Variants in TRERF1 observed in about 807,000 individuals in gnomAD.
TRERF1 encodes the protein transcriptional regulating factor 1, also known as transcriptional-regulating factor 1.
In TRERF1, 27 loss-of-function variants were observed where a neutral mutation model predicts 122.9. That is an observed-to-expected ratio of 0.22 (90% CI 0.16 to 0.30). The LOEUF is 0.30. Ranked by LOEUF, TRERF1 falls within the 10% of genes least tolerant of loss-of-function variation. TRERF1 has a pLI of 1.00. For missense variants in TRERF1, 1,248 were observed against 1,560.3 expected, an observed-to-expected ratio of 0.80 and a Z score of 3.37; for synonymous variants, 636 against 641.7, an observed-to-expected ratio of 0.99 and a Z score of 0.13.
At chr6:42,423,895 T>C (rs1347751855) in intron 2 of TRERF1, among the ~76,000 whole-genome samples, 1 of 152,198 alleles carries the variant, frequency 6.6e-6, no homozygotes, top group African/African-American at 2.4e-5. Flanking sequence ...CCCCCCAACA[T>C]TTATGGCTTT....
At chr6:42,313,844 G>A (rs1040672156) in intron 3 of TRERF1, among the ~76,000 whole-genome samples, 7 of 152,170 alleles carry the variant, frequency 4.6e-5, no homozygotes, top group Non-Finnish European at 5.9e-5. Flanking sequence ...GGCTCCAAGC[G>A]GGGAGGTGCT....
intron 2 of TRERF1, among the ~76,000 whole-genome samples, chr6:42,365,032 G>A (rs1298969891): frequency 6.6e-6 from 1 of 152,188 alleles, no homozygotes; most frequent in African/African-American, 2.4e-5. Context: ...CAGGAGGGCA[G>A]GTGGGAACCT....
intron 2 of TRERF1, among the ~76,000 whole-genome samples, chr6:42,443,246 G>A (rs1786852487): frequency 6.6e-6 from 1 of 152,216 alleles, no homozygotes; most frequent in Non-Finnish European, 1.5e-5. Flanking sequence ...ATGAGTACAA[G>A]AGAGTTCATT....
chr6:42,440,864 C>T (rs1786386016), intron 2 of TRERF1, among the ~76,000 whole-genome samples: 1 of 151,992 alleles, frequency 6.6e-6, no homozygotes, highest in South Asian at 2.1e-4. Flanking sequence ...GGGATGGAGA[C>T]AATCCCCTGA....
intron 3 of TRERF1, among the ~76,000 whole-genome samples, chr6:42,322,524 G>A (rs1477210541): frequency 2.6e-5 from 4 of 152,224 alleles, no homozygotes; most frequent in South Asian, 2.1e-4. Flanking sequence ...AATTCGTGGG[G>A]TTGTATATTG....
intron 2 of TRERF1, among the ~76,000 whole-genome samples, chr6:42,430,763 G>A (rs1189831447): frequency 5.9e-5 from 9 of 152,148 alleles, no homozygotes; most frequent in Non-Finnish European, 1.0e-4. Context: ...CAGGCGTGGT[G>A]GTGCATGCCT....
At chr6:42,345,723 G>A (rs1273902906) in intron 3 of TRERF1, among the ~76,000 whole-genome samples, 2 of 152,228 alleles carry the variant, frequency 1.3e-5, no homozygotes, top group Non-Finnish European at 2.9e-5. Flanking sequence ...TCCCATGCCA[G>A]TATTAAACTG....
intron 10 of TRERF1, 79 bp downstream of exon 10, chr6:42,258,056 C>T (rs1367512580): frequency 2.4e-6 from 3 of 1,257,398 alleles, no homozygotes; most frequent in Admixed American, 2.0e-5. Context: ...TCAGTGTAAT[C>T]CTCTGACTAC....
At chr6:42,328,772 A>C (rs921391020) in intron 3 of TRERF1, among the ~76,000 whole-genome samples, 2 of 152,132 alleles carry the variant, frequency 1.3e-5, no homozygotes, top group African/African-American at 4.8e-5. Flanking sequence ...CACTGTTCAC[A>C]CATTTCTAAA....
chr6:42,243,308 C>G, exon 15 of TRERF1: 1 of 1,614,192 alleles, frequency 6.2e-7, no homozygotes, highest in East Asian at 2.2e-5. Flanking sequence ...GCCGCATGAT[C>G]TTTTTCCACG....
intron 2 of TRERF1, among the ~76,000 whole-genome samples, chr6:42,424,962 A>G (rs1783377707): frequency 6.6e-6 from 1 of 152,210 alleles, no homozygotes; most frequent in Non-Finnish European, 1.5e-5. Flanking sequence ...GAATTAATGA[A>G]TGCACGAGTA....
chr6:42,243,062 G>A (rs1774040141), intron 15 of TRERF1, among the ~76,000 whole-genome samples, 186 bp downstream of exon 15: 2 of 152,128 alleles, frequency 1.3e-5, no homozygotes, highest in Non-Finnish European at 2.9e-5. Context: ...CCAAACCTAT[G>A]GACTTCTTTC....
At chr6:42,339,054 C>T (rs891686121) in intron 3 of TRERF1, among the ~76,000 whole-genome samples, 13 of 152,084 alleles carry the variant, frequency 8.5e-5, no homozygotes, top group African/African-American at 2.7e-4. Context: ...CCAGGACTGA[C>T]GAAAGCAGCA....
chr6:42,289,499 T>C (rs1011391955), intron 4 of TRERF1, among the ~76,000 whole-genome samples: 4 of 152,194 alleles, frequency 2.6e-5, no homozygotes, highest in South Asian at 4.1e-4. Context: ...CAGGCTATTA[T>C]GTAGGACTTA....
chr6:42,371,564 C>T (rs1217476528), intron 2 of TRERF1, among the ~76,000 whole-genome samples: 1 of 152,170 alleles, frequency 6.6e-6, no homozygotes, highest in Non-Finnish European at 1.5e-5. Flanking sequence ...AGGCAAAGGA[C>T]ATTTGCAATG....
At chr6:42,441,940 A>G (rs1678994190) in intron 2 of TRERF1, among the ~76,000 whole-genome samples, 1 of 152,154 alleles carries the variant, frequency 6.6e-6, no homozygotes, top group Non-Finnish European at 1.5e-5. Context: ...AGAGCCATCA[A>G]GAAAGACTTA....
At chr6:42,283,599 A>G (rs1277457477) in intron 4 of TRERF1, among the ~76,000 whole-genome samples, 1 of 150,804 alleles carries the variant, frequency 6.6e-6, no homozygotes, top group African/African-American at 2.4e-5. Context: ...ATAGAATAAC[A>G]TATGAAAAAA....
chr6:42,244,254 G>A (rs1209974896), intron 14 of TRERF1, among the ~76,000 whole-genome samples: 1 of 151,656 alleles, frequency 6.6e-6, no homozygotes, highest in East Asian at 1.9e-4. Context: ...GCACGATCTC[G>A]GCTCACCACA....
intron 3 of TRERF1, among the ~76,000 whole-genome samples, chr6:42,357,688 G>A (rs974898368): frequency 6.6e-6 from 1 of 152,140 alleles, no homozygotes; most frequent in African/African-American, 2.4e-5. Flanking sequence ...ACGGGCGAGC[G>A]AGCAGTCTTT....
Sources: gnomAD v4.1 joint callset for allele counts (sites outside exome capture counted in the v4.1 genomes callset) on GRCh38, gnomAD v4.1.1 for gene constraint, MANE v1.5 for transcripts, NCBI Gene and HGNC (gene_info 2026-07-23, HGNC 2026-07-21) for gene names.